TRPS1: variants seen among roughly 807,000 people sequenced by gnomAD.
The protein encoded by TRPS1 is transcriptional repressor GATA binding 1, also known as zinc finger transcription factor Trps1.
A neutral mutation model predicts 101.2 loss-of-function variants in TRPS1; 6 were observed. The ratio of observed to expected loss-of-function variants is 0.06; its 90% CI spans 0.03 to 0.12. The LOEUF (loss-of-function observed/expected upper bound fraction) is 0.12, where lower values mean the gene tolerates loss of function less well. TRPS1 is among the 10% of genes least tolerant of loss of function. TRPS1 has a pLI of 1.00. For missense variants in TRPS1, 1,363 were observed against 1,567.0 expected (o/e 0.87, Z 2.20); for synonymous variants, 578 against 589.8 (o/e 0.98, Z 0.29).
chr8:115,661,513 T>C (rs1216469994), intron 1 of TRPS1: 7 of 152,046 alleles, frequency 4.6e-5, no homozygotes, highest in Admixed American at 4.6e-4. Context: ...ACTCCTCTCA[T>C]ATTATAGGTA....
chr8:115,479,780 CT>C (rs1420430925), intron 5 of TRPS1, among the ~76,000 whole-genome samples: 1 of 152,082 alleles, frequency 6.6e-6, no homozygotes, highest in Admixed American at 6.5e-5. Context: ...AAAGGTTTTG[CT>C]TTTAATAAAT....
At chr8:115,478,839 A>G (rs1366957610) in intron 5 of TRPS1, among the ~76,000 whole-genome samples, 1 of 143,060 alleles carries the variant, frequency 7.0e-6, no homozygotes, top group East Asian at 1.9e-4. Context: ...ATATGTATAT[A>G]AATGTATATA....
chr8:115,414,380 A>T lies in TRPS1; in HGVS notation c.3528T>A (p.Pro1176=). 6.2e-7 allele frequency: 1 copy of T among 1,613,962 alleles called. No homozygotes were observed. Among genetic ancestry groups the T allele is most frequent in the Non-Finnish European group, 8.5e-7 (1 of 1,179,962 alleles). Residue 1176 remains proline, a synonymous_variant, in exon 7 of 7, where the codon CCT becomes CCA. Coordinates refer to ENST00000395715, the MANE Select transcript of TRPS1 (RefSeq NM_014112.5). The surrounding 1 kb of genome is among the most constrained non-coding windows in gnomAD (Gnocchi z 4.8). The stretch of plus-strand genomic sequence containing the variant: ...TGGAATGCTTGATCGCCAAATCTAG[A>T]GGAATGTCATTGTCTGATCCAACAG... The part of the protein sequence containing the change: ...FSAVGSDNDI[P]LDLAIKHSRP...
chr8:115,501,921 T>C (rs1460946589), intron 5 of TRPS1, among the ~76,000 whole-genome samples: 1 of 152,090 alleles, frequency 6.6e-6, no homozygotes, highest in Non-Finnish European at 1.5e-5. Context: ...CAGTCCATCT[T>C]CATTGCCAGC....
chr8:115,575,762 A>G (rs1258259996), intron 5 of TRPS1, among the ~76,000 whole-genome samples: 1 of 152,264 alleles, frequency 6.6e-6, no homozygotes, highest in Non-Finnish European at 1.5e-5. Context: ...GAAGGAACAT[A>G]AAGAACAAAG....
intron 1 of TRPS1, among the ~76,000 whole-genome samples, chr8:115,651,329 C>G (rs766781074): frequency 6.6e-6 from 1 of 152,174 alleles, no homozygotes; most frequent in Non-Finnish European, 1.5e-5. Flanking sequence ...ATACAACATA[C>G]TCCGTTGCAA....
chr8:115,513,910 T>C (rs570917048), intron 5 of TRPS1, among the ~76,000 whole-genome samples: 1 of 151,748 alleles, frequency 6.6e-6, no homozygotes, highest in African/African-American at 2.4e-5. Context: ...AAGTGATACA[T>C]AATTATAGCT....
chr8:115,529,070 G>A (rs1257283040), intron 5 of TRPS1, among the ~76,000 whole-genome samples: 5 of 151,964 alleles, frequency 3.3e-5, no homozygotes, highest in East Asian at 1.9e-4. Flanking sequence ...GGAAGGAGAC[G>A]ATTAAAAACT....
chr8:115,656,058 A>G (rs1446423375), intron 1 of TRPS1, among the ~76,000 whole-genome samples: 1 of 152,184 alleles, frequency 6.6e-6, no homozygotes, highest in East Asian at 1.9e-4. Context: ...CTCTCTCAGA[A>G]TCAATTCCAC....
intron 5 of TRPS1, among the ~76,000 whole-genome samples, chr8:115,506,936 C>G (rs1324062285): frequency 6.6e-6 from 1 of 151,980 alleles, no homozygotes; most frequent in Non-Finnish European, 1.5e-5. Flanking sequence ...GTAAAAAGGT[C>G]AAGAGTCTAA....
intron 5 of TRPS1, among the ~76,000 whole-genome samples, chr8:115,441,469 A>C (rs544262389): frequency 6.6e-6 from 1 of 152,326 alleles, no homozygotes; most frequent in African/African-American, 2.4e-5. Flanking sequence ...ATTTAAATTT[A>C]ATCTAGAGAA....
intron 1 of TRPS1, among the ~76,000 whole-genome samples, chr8:115,664,327 C>T (rs541146929): frequency 4.3e-4 from 66 of 152,164 alleles, no homozygotes; most frequent in Middle Eastern, 3.4e-3. Context: ...ACATGACAAG[C>T]ACTCTTAAAC....
At position 115,414,390 on chromosome 8, in the gene TRPS1, T is replaced by C. The variant is rs1308994822; in HGVS notation, c.3518A>G (p.Asn1173Ser). 1.2e-6 allele frequency: 2 copies of C among 1,613,996 alleles called. No individual in the cohort carries two copies. Among genetic ancestry groups the C allele is most frequent in the East Asian group, 2.2e-5 (1 of 44,880 alleles). The change falls in exon 7 of 7, where the codon AAT becomes AGT. Residue 1173 changes from asparagine (N) to serine (S), a missense_variant. Asn to Ser is a conservative substitution (Grantham distance 46). Around this residue, in one of 5 missense-constraint regions of TRPS1, gnomAD observed 307 missense variants for 392.4 expected, o/e 0.78. Transcript: ENST00000395715. This position sits in a 1 kb window ranked among gnomAD's most constrained non-coding sequence, Gnocchi z 4.8. ...GATCGCCAAATCTAGAGGAATGTCA[T>C]TGTCTGATCCAACAGCTGAAAAATG... The part of the protein sequence containing the change: ...PPHFSAVGSD[N>S]DIPLDLAIKH...
At chr8:115,475,946 G>T (rs1814595083) in intron 5 of TRPS1, among the ~76,000 whole-genome samples, 1 of 149,956 alleles carries the variant, frequency 6.7e-6, no homozygotes. Flanking sequence ...AAACTAAATT[G>T]TAAATTATCA....
intron 1 of TRPS1, among the ~76,000 whole-genome samples, chr8:115,663,364 G>T (rs542947502): frequency 6.6e-6 from 1 of 151,192 alleles, no homozygotes; most frequent in Non-Finnish European, 1.5e-5. Context: ...TTGGCATTAC[G>T]TCAGTTGGTT....
rs79604322 is a variant in TRPS1, at chr8:115,619,898, A to T, written c.200T>A (p.Leu67Gln). ...CAAGCTATGTTCCTCCTTATGATTT[A>T]GTTCTGCAGCATCACTCTGATCCGT... ...ENTDQSDAAE[L>Q]NHKEEHSLHV... The change falls in exon 3 of 7, where the codon CTA becomes CAA. Residue 67 changes from leucine to glutamine, a missense_variant. Transcript: ENST00000395715. 27 of 1,614,064 alleles carry T rather than the reference A, an allele frequency of 1.7e-5. No homozygotes were observed. The highest frequency in any genetic ancestry group is 2.2e-5 in the Non-Finnish European group (26 of 1,180,054).
In TRPS1 at chr8:115,410,350, G is replaced by A. The variant is rs1040041073; in HGVS notation, c.*3673C>T. On this transcript the variant is annotated 3_prime_UTR_variant, in exon 7 of 7. Transcript: ENST00000395715. Reference sequence around the variant, plus strand: ...ATGTGCTACCACAGGCTTCAACAAAGAGCTGTTAAAGATACTTTTTTCCCT... The same window carrying A: ...ATGTGCTACCACAGGCTTCAACAAAAAGCTGTTAAAGATACTTTTTTCCCT... 11 of 152,402 alleles carry A rather than the reference G, an allele frequency of 7.2e-5. No homozygotes were observed. Among genetic ancestry groups the A allele is most frequent in the Non-Finnish European group, 1.6e-4 (11 of 67,978 alleles). The allele number at this position is 152,402 out of a possible 1,614,324, so 9.4% of individuals were successfully genotyped here. A position where few individuals can be genotyped will look rare whatever the true frequency, so the allele number is the denominator to read the frequency against.
chr8:115,464,406 T>C (rs1278943918), intron 5 of TRPS1, among the ~76,000 whole-genome samples: 2 of 152,132 alleles, frequency 1.3e-5, no homozygotes, highest in Non-Finnish European at 2.9e-5. Flanking sequence ...GAAACTATAA[T>C]GATGGACTTA....
chr8:115,602,613 A>G (rs1817934039), intron 4 of TRPS1, among the ~76,000 whole-genome samples: 1 of 152,210 alleles, frequency 6.6e-6, no homozygotes, highest in South Asian at 2.1e-4. Flanking sequence ...GTTGGACATG[A>G]ACTGCTTCAT....
Sources: gnomAD v4.1 joint callset for allele counts (sites outside exome capture counted in the v4.1 genomes callset) on GRCh38, gnomAD v4.1.1 for gene constraint, gnomAD v4.1.1 regional missense constraint, Gnocchi (gnomAD v3.1) non-coding constraint, MANE v1.5 for transcripts, NCBI Gene and HGNC (gene_info 2026-07-23, HGNC 2026-07-21) for gene names.